The following RABGAP1L variants were observed in gnomAD, a reference collection of about 807,000 sequenced individuals.
The protein encoded by RABGAP1L is RAB GTPase activating protein 1 like, also known as rab GTPase-activating protein 1-like.
RABGAP1L carries 63 observed loss-of-function variants against 137.7 expected under a neutral mutation model. That is an observed-to-expected ratio of 0.46 (90% CI 0.37 to 0.56). The LOEUF is 0.56. RABGAP1L is among the 20% of genes least tolerant of loss of function. The pLI, the probability that RABGAP1L is intolerant of heterozygous loss-of-function variation, is 0.00. For missense variants in RABGAP1L, 1,095 were observed against 1,244.0 expected (o/e 0.88, Z 1.80); for synonymous variants, 431 against 433.7 (o/e 0.99, Z 0.08).
chr1:174,805,732 C>G (rs547442103), intron 18 of RABGAP1L, among the ~76,000 whole-genome samples: 1 of 152,182 alleles, frequency 6.6e-6, no homozygotes, highest in South Asian at 2.1e-4. Flanking sequence ...GAACACCTGA[C>G]CTCAAGTGAT....
intron 8 of RABGAP1L, among the ~76,000 whole-genome samples, chr1:174,273,015 A>T (rs1261992684): frequency 2.0e-5 from 3 of 152,084 alleles, no homozygotes; most frequent in African/African-American, 7.2e-5. Context: ...TAAAAGTAGC[A>T]AGCTATTTTA....
At chr1:174,497,309 G>T (rs1308204576) in intron 13 of RABGAP1L, among the ~76,000 whole-genome samples, 1 of 152,150 alleles carries the variant, frequency 6.6e-6, no homozygotes, top group Non-Finnish European at 1.5e-5. Context: ...TGTTTATTAT[G>T]TATCCAGCAC....
chr1:174,809,073 C>A (rs371793985), intron 18 of RABGAP1L, among the ~76,000 whole-genome samples: 1 of 152,130 alleles, frequency 6.6e-6, no homozygotes, highest in Non-Finnish European at 1.5e-5. Context: ...CCTTTGCAAC[C>A]CTGAGTACCT....
intron 15 of RABGAP1L, among the ~76,000 whole-genome samples, chr1:174,690,829 C>CTTTTTTT (rs572724291): frequency 8.6e-6 from 1 of 116,942 alleles, no homozygotes. Flanking sequence ...CAGCATTCAT[C>CTTTTTTT]TTTTTTTTTT....
intron 14 of RABGAP1L, among the ~76,000 whole-genome samples, chr1:174,648,001 T>A (rs1437157894): frequency 6.6e-6 from 1 of 152,128 alleles, no homozygotes; most frequent in Non-Finnish European, 1.5e-5. Flanking sequence ...TGTAAAGGTG[T>A]TTATAGTATT....
At chr1:174,743,945 G>A (rs1683657410) in intron 17 of RABGAP1L, among the ~76,000 whole-genome samples, 1 of 150,870 alleles carries the variant, frequency 6.6e-6, no homozygotes, top group South Asian at 2.1e-4. Context: ...TTAAGCTAGA[G>A]GAAAGGAAGG....
At chr1:174,644,484 A>G (rs1674790902) in intron 14 of RABGAP1L, among the ~76,000 whole-genome samples, 1 of 152,046 alleles carries the variant, frequency 6.6e-6, no homozygotes, top group African/African-American at 2.4e-5. Context: ...ACTCTTTTTA[A>G]AAAACACTAC....
chr1:174,798,016 C>T (rs1158114050), intron 18 of RABGAP1L, among the ~76,000 whole-genome samples: 5 of 151,840 alleles, frequency 3.3e-5, no homozygotes, highest in Non-Finnish European at 7.4e-5. Flanking sequence ...CAGGCAGGAA[C>T]GTAGCACATT....
intron 13 of RABGAP1L, among the ~76,000 whole-genome samples, chr1:174,440,921 A>G (rs1017483431): frequency 1.3e-5 from 2 of 152,046 alleles, no homozygotes; most frequent in African/African-American, 4.8e-5. Flanking sequence ...GGCATTGCCT[A>G]CTGTTTATCC....
intron 13 of RABGAP1L, among the ~76,000 whole-genome samples, chr1:174,635,014 C>T (rs1673837393): frequency 1.4e-5 from 2 of 147,582 alleles, no homozygotes; most frequent in South Asian, 2.1e-4. Context: ...GCACATGTAC[C>T]CTAAAACTTA....
At chr1:174,703,293 A>G (rs1031021678) in intron 17 of RABGAP1L, among the ~76,000 whole-genome samples, 3 of 152,086 alleles carry the variant, frequency 2.0e-5, no homozygotes, top group Non-Finnish European at 2.9e-5. Flanking sequence ...TGAGTCTCCA[A>G]TGTCTATTAT....
At chr1:174,722,857 A>G (rs1413342969) in intron 17 of RABGAP1L, among the ~76,000 whole-genome samples, 4 of 152,158 alleles carry the variant, frequency 2.6e-5, no homozygotes, top group South Asian at 2.1e-4. Context: ...TCCAAAATAT[A>G]GAACTTCAGG....
intron 13 of RABGAP1L, among the ~76,000 whole-genome samples, chr1:174,561,158 C>A (rs1445509822): frequency 1.3e-5 from 2 of 152,170 alleles, no homozygotes; most frequent in South Asian, 2.1e-4. Flanking sequence ...TGATAAGCAA[C>A]TTCAGCAAAG....
chr1:174,234,761 G>C, intron 4 of RABGAP1L, among the ~76,000 whole-genome samples: 1 of 149,606 alleles, frequency 6.7e-6, no homozygotes. Flanking sequence ...CTCTTTTTTG[G>C]TTCCATATGA....
intron 19 of RABGAP1L, among the ~76,000 whole-genome samples, chr1:174,930,528 G>A (rs560677822): frequency 6.6e-6 from 1 of 152,082 alleles, no homozygotes; most frequent in East Asian, 1.9e-4. Flanking sequence ...TGTTCTCCAG[G>A]CTGGTATTAA....
intron 19 of RABGAP1L, among the ~76,000 whole-genome samples, chr1:174,817,750 A>G (rs1690588730): frequency 6.6e-6 from 1 of 152,232 alleles, no homozygotes; most frequent in Non-Finnish European, 1.5e-5. Context: ...GGTATTGGTG[A>G]CAGACCATTT....
At chr1:174,393,890 T>G (rs938654920) in intron 12 of RABGAP1L, 105 bp from the exon 13 acceptor site, 8 of 1,316,634 alleles carry the variant, frequency 6.1e-6, no homozygotes, top group Non-Finnish European at 8.3e-6. Context: ...CTGTTTTCTC[T>G]TGACCCAAGC....
intron 18 of RABGAP1L, among the ~76,000 whole-genome samples, chr1:174,787,000 GA>G (rs777552072): frequency 6.6e-6 from 1 of 152,192 alleles, no homozygotes; most frequent in Non-Finnish European, 1.5e-5. Flanking sequence ...GGAAGTAGGG[GA>G]GACAGACGTG....
At chr1:174,249,434 T>C (rs4652274) in intron 5 of RABGAP1L, among the ~76,000 whole-genome samples, 75,487 of 151,984 alleles carry the variant, frequency 0.5, 21,306 homozygotes, top group African/African-American at 0.78. Context: ...CAGATACCAA[T>C]ATCATTTTAG....
Sources: gnomAD v4.1 joint callset for allele counts (sites outside exome capture counted in the v4.1 genomes callset) on GRCh38, gnomAD v4.1.1 for gene constraint, MANE v1.5 for transcripts, NCBI Gene and HGNC (gene_info 2026-07-23, HGNC 2026-07-21) for gene names.